Variants in CADPS observed in about 807,000 individuals in gnomAD.
The protein encoded by CADPS is calcium-dependent secretion activator 1.
Under a neutral mutation model 167.3 loss-of-function variants are expected in CADPS, and 57 were observed. The ratio of observed to expected loss-of-function variants is 0.34; its 90% CI spans 0.28 to 0.42. The LOEUF is 0.42. Among genes scored for constraint, CADPS ranks in the 20% least tolerant of loss-of-function variants. CADPS has a pLI of 1.00. For missense variants in CADPS, 1,414 were observed against 1,738.1 expected, an observed-to-expected ratio of 0.81 and a Z score of 3.32; for synonymous variants, 676 against 635.3, an observed-to-expected ratio of 1.06 and a Z score of -0.96.
chr3:62,605,528 G>A (rs756290239), intron 6 of CADPS, among the ~76,000 whole-genome samples: 7 of 152,218 alleles, frequency 4.6e-5, no homozygotes, highest in Non-Finnish European at 1.0e-4. Context: ...TTAAGTGGGA[G>A]AATGTAAGTT....
chr3:62,713,537 T>C (rs1275308167), intron 3 of CADPS, among the ~76,000 whole-genome samples: 2 of 152,242 alleles, frequency 1.3e-5, no homozygotes, highest in African/African-American at 2.4e-5. Flanking sequence ...TAATTAAAAG[T>C]AGGTGTAAAT....
chr3:62,458,168 T>C lies in CADPS; in HGVS notation c.3636+7199A>G, dbSNP rs1265021700. Among the ~76,000 whole-genome samples, 1 of 152,164 alleles carries C rather than the reference T, an allele frequency of 6.6e-6. No individual in the cohort carries two copies. Among genetic ancestry groups the C allele is most frequent in the Non-Finnish European group, 1.5e-5 (1 of 68,032 alleles). Reference sequence around the variant, plus strand: ...TTGACAGTAAGGCTAAGAATGGCTATTTATGGAGCACCTACTAACTATATA... The same window carrying C: ...TTGACAGTAAGGCTAAGAATGGCTACTTATGGAGCACCTACTAACTATATA... On this transcript the variant is annotated intron_variant, in intron 26 of 29. Transcript: ENST00000383710. This position sits in a 1 kb window ranked among gnomAD's most constrained non-coding sequence, Gnocchi z 4.6.
chr3:62,577,224 G>T (rs975444956), intron 8 of CADPS, among the ~76,000 whole-genome samples: 1 of 152,122 alleles, frequency 6.6e-6, no homozygotes, highest in Admixed American at 6.5e-5. Flanking sequence ...AAATGAGGCA[G>T]TCTTCTCTCA....
At chr3:62,579,134 G>A (rs2082890585) in intron 8 of CADPS, among the ~76,000 whole-genome samples, 1 of 152,198 alleles carries the variant, frequency 6.6e-6, no homozygotes, top group South Asian at 2.1e-4. Context: ...GTGGACTGTG[G>A]TTCATTGAAT....
chr3:62,821,488 C>G (rs2094916150), intron 1 of CADPS, among the ~76,000 whole-genome samples: 1 of 152,158 alleles, frequency 6.6e-6, no homozygotes, highest in South Asian at 2.1e-4. Flanking sequence ...TTTGGTAGCT[C>G]CAAGAATTTC....
chr3:62,467,573 A>G (rs1033432298), intron 24 of CADPS, among the ~76,000 whole-genome samples: 1 of 152,144 alleles, frequency 6.6e-6, no homozygotes. Context: ...GAAGACCTGG[A>G]TAAAGTCCCA....
intron 28 of CADPS, among the ~76,000 whole-genome samples, chr3:62,417,104 G>A (rs973099231): frequency 6.6e-6 from 1 of 151,956 alleles, no homozygotes; most frequent in African/African-American, 2.4e-5. Flanking sequence ...ATGTATATGT[G>A]AATACATGTG....
chr3:62,492,571 A>G (rs1473045012), intron 19 of CADPS, 125 bp from the exon 20 acceptor site: 1 of 950,172 alleles, frequency 1.1e-6, no homozygotes, highest in Non-Finnish European at 1.6e-6. Flanking sequence ...TGGTAATTTT[A>G]TTGTAAAGAG....
At chr3:62,720,344 T>TG (rs1287919539) in intron 3 of CADPS, among the ~76,000 whole-genome samples, 1 of 151,340 alleles carries the variant, frequency 6.6e-6, no homozygotes, top group East Asian at 1.9e-4. Context: ...TTTGTTTGTT[T>TG]TTTTTTGAAA....
intron 9 of CADPS, among the ~76,000 whole-genome samples, chr3:62,567,001 C>T (rs544233963): frequency 6.6e-6 from 1 of 152,264 alleles, no homozygotes; most frequent in East Asian, 1.9e-4. Flanking sequence ...TGCTTTTTAG[C>T]TGCTGTGTGA....
Position 62,644,243 on chromosome 3 carries a change from G to A in CADPS, c.1325+1479C>T, listed in dbSNP as rs556001697. 2.0e-5 allele frequency among the ~76,000 whole-genome samples: 3 copies of A among 152,246 alleles called. No individual in the cohort carries two copies. In the East Asian group the frequency reaches 5.8e-4, roughly 29 times the overall value. On this transcript the variant is annotated intron_variant, in intron 6 of 29. Transcript: ENST00000383710. ...GAGAGGCAGTGAGCTGCTGTTCAGGGTTTCTCTTTTGATGACTCTCTTATG... is the reference window on the plus strand; with the variant it reads ...GAGAGGCAGTGAGCTGCTGTTCAGGATTTCTCTTTTGATGACTCTCTTATG...
At chr3:62,648,550 T>C (rs543199672) in intron 5 of CADPS, among the ~76,000 whole-genome samples, 11 of 151,344 alleles carry the variant, frequency 7.3e-5, no homozygotes, top group Non-Finnish European at 1.5e-4. Context: ...GGTTTGGTGG[T>C]GTGCACCTGT....
chr3:62,403,109 T>G lies in CADPS; in HGVS notation c.3854A>C (p.Gln1285Pro), dbSNP rs1349647484. The G allele has an allele frequency of 1.2e-6, 2 of 1,611,198 alleles. No homozygotes were observed. Among genetic ancestry groups the G allele is most frequent in the African/African-American group, 1.3e-5 (1 of 74,900 alleles). The change falls in exon 29 of 30, where the codon CAG (glutamine) becomes CCG (proline). Residue 1285 changes from glutamine to proline, a missense_variant. Transcript: ENST00000383710. ...DRMDLQLHIYQLKTLIRMVKK... is the reference protein window; with the variant it reads ...DRMDLQLHIYPLKTLIRMVKK... ...TACCATCCTAATTAGTGTTTTCAAC[T>G]GATAAATATGAAGCTGTAAGTCCAT... is the stretch of plus-strand genomic sequence containing the variant.
intron 1 of CADPS, among the ~76,000 whole-genome samples, chr3:62,862,549 T>C (rs1433300013): frequency 1.3e-5 from 2 of 152,152 alleles, no homozygotes; most frequent in Admixed American, 6.6e-5. Flanking sequence ...TGCACCATGA[T>C]TCCTGAGAAA....
At chr3:62,428,368 A>T (rs1237805609) in intron 28 of CADPS, among the ~76,000 whole-genome samples, 1 of 146,716 alleles carries the variant, frequency 6.8e-6, no homozygotes, top group African/African-American at 2.6e-5. Flanking sequence ...AGGAAAGGAA[A>T]GAGAAGTAAT....
Position 62,648,691 on chromosome 3 carries a change from C to CAAA in CADPS, c.1203+2153_1203+2155dup, listed in dbSNP as rs55665003. ...TGGGCAACAGAGTGAGACGTTGTGT[C>CAAA]AAAAAAAAAAAAAAGAGGAAAGAAA... On this transcript the variant is annotated intron_variant, in intron 5 of 29. Transcript: ENST00000383710. 1.6e-4 allele frequency among the ~76,000 whole-genome samples: 9 copies of CAAA among 54,552 alleles called. 4 individuals carry two copies. Among genetic ancestry groups the CAAA allele is most frequent in the South Asian group, 1.4e-3 (2 of 1,470 alleles). 35.8% of individuals were successfully genotyped at this position (54,552 alleles called of 152,430 possible).
At chr3:62,776,067 G>C (rs970230966) in intron 1 of CADPS, among the ~76,000 whole-genome samples, 1 of 152,124 alleles carries the variant, frequency 6.6e-6, no homozygotes, top group Admixed American at 6.6e-5. Context: ...TAATGTCTTG[G>C]CATTACTAGG....
At chr3:62,679,513 G>T (rs1356192345) in intron 3 of CADPS, among the ~76,000 whole-genome samples, 2 of 151,976 alleles carry the variant, frequency 1.3e-5, no homozygotes, top group Admixed American at 6.6e-5. Flanking sequence ...AAGAGTAGCA[G>T]CTCCCACTGA....
intron 1 of CADPS, chr3:62,779,532 G>A: frequency 1.9e-6 from 1 of 535,720 alleles, no homozygotes; most frequent in South Asian, 1.4e-5. Context: ...TCATGTGGCT[G>A]CCCATTTTGT....
Sources: gnomAD v4.1 joint callset for allele counts (sites outside exome capture counted in the v4.1 genomes callset) on GRCh38, gnomAD v4.1.1 for gene constraint, Gnocchi (gnomAD v3.1) non-coding constraint, MANE v1.5 for transcripts, NCBI Gene and HGNC (gene_info 2026-07-23, HGNC 2026-07-21) for gene names.